TMTC1: variants seen among roughly 807,000 people sequenced by gnomAD.
TMTC1 encodes the protein protein O-mannosyl-transferase TMTC1.
TMTC1 carries 73 observed loss-of-function variants against 104.8 expected under a neutral mutation model. That is an observed-to-expected ratio of 0.70 (90% CI 0.58 to 0.85). The LOEUF (loss-of-function observed/expected upper bound fraction) is 0.85, where lower values mean the gene tolerates loss of function less well. Ranked by LOEUF, TMTC1 falls within the 40% of genes least tolerant of loss-of-function variation. TMTC1 has a pLI of 0.00. For synonymous variants in TMTC1, 434 were observed against 428.7 expected, an observed-to-expected ratio of 1.01 and a Z score of -0.15; for missense variants, 1,035 against 1,096.1, an observed-to-expected ratio of 0.94 and a Z score of 0.79.
chr12:29,677,669 TATCCCACTTG>T (rs377144946), intron 5 of TMTC1, among the ~76,000 whole-genome samples: 4 of 152,294 alleles, frequency 2.6e-5, no homozygotes, highest in African/African-American at 9.6e-5. Flanking sequence ...AATCTCACAT[TATCCCACTTG>T]GTCCCACTTG....
chr12:29,564,006 G>A (rs532156429), intron 9 of TMTC1, among the ~76,000 whole-genome samples: 18 of 152,242 alleles, frequency 1.2e-4, no homozygotes, highest in African/African-American at 4.3e-4. Context: ...GGGAGGGGCA[G>A]CAACAAAGGG....
At chr12:29,759,233 C>T (rs1943287236) in intron 2 of TMTC1, among the ~76,000 whole-genome samples, 1 of 152,220 alleles carries the variant, frequency 6.6e-6, no homozygotes, top group Non-Finnish European at 1.5e-5. Flanking sequence ...GGATGGCTCA[C>T]ATCTGTAATC....
At chr12:29,763,002 C>G (rs1006106961) in intron 2 of TMTC1, among the ~76,000 whole-genome samples, 1 of 152,168 alleles carries the variant, frequency 6.6e-6, no homozygotes, top group African/African-American at 2.4e-5. Context: ...GCATCTGGAC[C>G]GAGAAGGGCA....
At chr12:29,751,905 C>A in intron 4 of TMTC1, 33 bp from the exon 5 acceptor site, 1 of 1,502,928 alleles carries the variant, frequency 6.7e-7, no homozygotes, top group South Asian at 1.3e-5. Context: ...AAAACAAAGT[C>A]AACCAGAATG....
In TMTC1 at chr12:29,734,741, T is replaced by C. The variant is rs114819497; in HGVS notation, c.938+16925A>G. Among the ~76,000 whole-genome samples, 698 of 152,310 alleles carry C rather than the reference T, an allele frequency of 4.6e-3. 3 individuals are homozygous for C. Among genetic ancestry groups the C allele is most frequent in the African/African-American group, 0.016 (656 of 41,570 alleles). On this transcript the variant is annotated intron_variant, in intron 5 of 17. Coordinates refer to ENST00000539277, the MANE Select transcript of TMTC1 (RefSeq NM_001193451.2). ...TTGCTTTAATTTCAGTAGTTGGTTA[T>C]TTAGAGTTTTTATTTTCTTCTTTTC...
chr12:29,769,789 G>A (rs1397718273), intron 1 of TMTC1, among the ~76,000 whole-genome samples: 2 of 152,106 alleles, frequency 1.3e-5, no homozygotes, highest in Admixed American at 1.3e-4. Flanking sequence ...TGTCCAAGTT[G>A]GAAGGTCTCT....
intron 5 of TMTC1, among the ~76,000 whole-genome samples, chr12:29,657,808 A>T (rs1346315485): frequency 6.6e-6 from 1 of 152,234 alleles, no homozygotes; most frequent in Non-Finnish European, 1.5e-5. Context: ...ACTGGCAGAC[A>T]TAAAAACAAA....
rs376098768 is a variant in TMTC1 at position 29,546,301 on chromosome 12, C to T, written c.1677-9984G>A. Among the ~76,000 whole-genome samples, 32 of 152,084 alleles carry T rather than the reference C, an allele frequency of 2.1e-4. 2 individuals are homozygous for T. Among genetic ancestry groups the T allele is most frequent in the Admixed American group, 1.6e-3 (25 of 15,274 alleles). ...CTGTCACTTGCAGGAGGAGGGTGGC[C>T]AGAAAGCTGAGGGAAGAGAGCCCTG... On this transcript the variant is annotated intron_variant, in intron 10 of 17. Transcript: ENST00000539277.
At chr12:29,541,954 G>A (rs2136218163) in intron 10 of TMTC1, among the ~76,000 whole-genome samples, 2 of 152,186 alleles carry the variant, frequency 1.3e-5, no homozygotes, top group Middle Eastern at 6.8e-3. Flanking sequence ...ACCTCACCTG[G>A]CCCCACAATA....
At chr12:29,660,914 A>G (rs760656088) in intron 5 of TMTC1, 30 of 1,390,494 alleles carry the variant, frequency 2.2e-5, no homozygotes, top group Non-Finnish European at 2.4e-5. Flanking sequence ...AAAATCTTAG[A>G]TAAGTGTGTC....
At chr12:29,643,277 G>T (rs1011762650) in intron 5 of TMTC1, among the ~76,000 whole-genome samples, 2 of 151,292 alleles carry the variant, frequency 1.3e-5, no homozygotes, top group African/African-American at 4.9e-5. Context: ...ATTTGATGCA[G>T]CAATCCCACA....
At chr12:29,776,810 C>A (rs532865291) in intron 1 of TMTC1, among the ~76,000 whole-genome samples, 1 of 152,252 alleles carries the variant, frequency 6.6e-6, no homozygotes, top group Non-Finnish European at 1.5e-5. Context: ...TAGGCAGAAA[C>A]CAAAGGTGGT....
At position 29,633,371 on chromosome 12, in the gene TMTC1, C is replaced by T. The variant is rs779087739; in HGVS notation, c.939-35G>A. The T allele has an allele frequency of 2.0e-6, 3 of 1,528,378 alleles. No individual in the cohort carries two copies. In the African/African-American group the frequency reaches 4.1e-5, roughly 21 times the overall value. 94.7% of individuals were successfully genotyped at this position (1,528,378 alleles called of 1,614,324 possible). ...GAAGAAGAATCACTGAAACACTGCT[C>T]AAGAACCATGACATTCTGTAAGCGT... On this transcript the variant is annotated intron_variant, in intron 5 of 17. Transcript: ENST00000539277.
At chr12:29,511,892 G>C in intron 17 of TMTC1, 151 bp downstream of exon 17, 1 of 769,298 alleles carries the variant, frequency 1.3e-6, no homozygotes, top group East Asian at 2.5e-5. Context: ...CATAAACTGA[G>C]CTATTTCACT....
rs548206314 is a variant in TMTC1 at position 29,606,888 on chromosome 12, T to C, written c.1129-2589A>G. Reference sequence around the variant, plus strand: ...TTTCTTTTTTTTTTGAGACTGAATCTGGCTCTGTCACCCAGGCTGGACCAG... The same window carrying C: ...TTTCTTTTTTTTTTGAGACTGAATCCGGCTCTGTCACCCAGGCTGGACCAG... On this transcript the variant is annotated intron_variant, in intron 6 of 17. Coordinates refer to ENST00000539277, the MANE Select transcript of TMTC1 (RefSeq NM_001193451.2). Among the ~76,000 whole-genome samples, 3 of 152,176 alleles carry C rather than the reference T, an allele frequency of 2.0e-5. No individual in the cohort carries two copies. In the East Asian group the frequency reaches 5.8e-4, roughly 30 times the overall value.
intron 6 of TMTC1, among the ~76,000 whole-genome samples, chr12:29,621,875 C>T (rs1937691524): frequency 6.6e-6 from 1 of 152,236 alleles, no homozygotes; most frequent in South Asian, 2.1e-4. Flanking sequence ...TACCCCACCC[C>T]TACCCTCCAT....
intron 5 of TMTC1, among the ~76,000 whole-genome samples, chr12:29,643,432 T>TATATATATATATATATCACATATATGTG (rs1938962112): frequency 3.0e-5 from 3 of 101,140 alleles, no homozygotes; most frequent in East Asian, 2.7e-4. Context: ...TAAACTGTGA[T>TATATATATATATATATCACATATATGTG]ATATATATAT....
intron 5 of TMTC1, among the ~76,000 whole-genome samples, chr12:29,643,341 A>T (rs916608522): frequency 6.8e-6 from 1 of 146,574 alleles, no homozygotes; most frequent in Non-Finnish European, 1.5e-5. Flanking sequence ...ATACTTGCAC[A>T]TGCATGTTTA....
chr12:29,669,941 T>C (rs1432980510), intron 5 of TMTC1, among the ~76,000 whole-genome samples: 1 of 152,200 alleles, frequency 6.6e-6, no homozygotes, highest in Admixed American at 6.5e-5. Flanking sequence ...AGCACCAGGA[T>C]TGAGTCTCCT....
Sources: gnomAD v4.1 joint callset for allele counts (sites outside exome capture counted in the v4.1 genomes callset) on GRCh38, gnomAD v4.1.1 for gene constraint, MANE v1.5 for transcripts, NCBI Gene and HGNC (gene_info 2026-07-23, HGNC 2026-07-21) for gene names.